PHF3: variants seen among roughly 807,000 people sequenced by gnomAD.
PHF3 encodes the protein PHD finger protein 3.
A neutral mutation model predicts 178.4 loss-of-function variants in PHF3; 41 were observed. The observed-to-expected ratio is 0.23, with a 90% confidence interval of 0.18 to 0.30. The LOEUF (loss-of-function observed/expected upper bound fraction) is 0.30, where lower values mean the gene tolerates loss of function less well. Among genes scored for constraint, PHF3 ranks in the 10% least tolerant of loss-of-function variants. PHF3 has a pLI of 1.00. For missense variants in PHF3, 2,346 were observed against 2,398.1 expected, an observed-to-expected ratio of 0.98 and a Z score of 0.45; for synonymous variants, 842 against 800.5, an observed-to-expected ratio of 1.05 and a Z score of -0.88.
rs547741930 is a variant in PHF3, at chr6:63,713,395, A to G, written c.5807A>G (p.Glu1936Gly). The change falls in exon 16 of 16, where the codon GAA becomes GGA. Residue 1936 changes from glutamate to glycine, a missense_variant. Around this residue, in one of 8 missense-constraint regions of PHF3, gnomAD observed 839 missense variants for 806.9 expected, o/e 1.04. Transcript: ENST00000262043. ...DSHHLKRERH[E>G]KEWEQESERH... The stretch of plus-strand genomic sequence containing the variant: ...CACCATTTGAAAAGAGAGCGACATG[A>G]AAAGGAATGGGAGCAAGAATCTGAA... 6.2e-7 allele frequency: 1 copy of G among 1,613,954 alleles called. No individual in the cohort carries two copies. Among genetic ancestry groups the G allele is most frequent in the South Asian group, 1.1e-5 (1 of 91,084 alleles).
intron 2 of PHF3, chr6:63,678,762 C>T: frequency 2.3e-6 from 1 of 433,800 alleles, no homozygotes; most frequent in South Asian, 1.7e-5. Context: ...TGTCAAATTG[C>T]TCTTCAAAAA....
chr6:63,677,204 A>G (rs928795665), intron 2 of PHF3, among the ~76,000 whole-genome samples: 2 of 152,172 alleles, frequency 1.3e-5, no homozygotes, highest in African/African-American at 2.4e-5. Context: ...GAAGATACCT[A>G]TGGGAATCAT....
rs748116849 is a variant in PHF3 at position 63,684,891 on chromosome 6, C to A, written c.1169C>A (p.Thr390Asn). ...GGTATTGCTGATAAAACTGAGAACA[C>A]CCTTGAAAGAAATAAAATTGAACCG... is the stretch of plus-strand genomic sequence containing the variant. ...TMGIADKTEN[T>N]LERNKIEPLG... The change falls in exon 4 of 16, where the codon ACC becomes AAC. Residue 390 changes from threonine (T) to asparagine (N), a missense_variant. Transcript: ENST00000262043. The A allele has an allele frequency of 1.4e-5, 22 of 1,613,954 alleles. No homozygotes were observed. The highest frequency in any genetic ancestry group is 1.6e-4 in the Middle Eastern group (1 of 6,062).
intron 2 of PHF3, among the ~76,000 whole-genome samples, chr6:63,659,827 A>G (rs544816137): frequency 6.6e-6 from 1 of 152,272 alleles, no homozygotes; most frequent in African/African-American, 2.4e-5. Flanking sequence ...AACCTGTACT[A>G]TTAATCTCAT....
intron 5 of PHF3, among the ~76,000 whole-genome samples, chr6:63,693,045 A>AT (rs977947774): frequency 2.0e-5 from 3 of 152,028 alleles, no homozygotes; most frequent in Admixed American, 1.3e-4. Context: ...GGCATCTAAT[A>AT]TTTTTTGTCT....
chr6:63,662,706 C>T (rs1765520434), intron 2 of PHF3, among the ~76,000 whole-genome samples: 1 of 152,116 alleles, frequency 6.6e-6, no homozygotes. Context: ...TTTATCATGT[C>T]TTTAAGTGAA....
chr6:63,665,395 G>T (rs1765634374), intron 2 of PHF3, among the ~76,000 whole-genome samples: 3 of 150,428 alleles, frequency 2.0e-5, no homozygotes, highest in African/African-American at 7.3e-5. Context: ...CCTTTGCTAT[G>T]AATTAATGGA....
chr6:63,636,233 G>C, intron 1 of PHF3, 83 bp downstream of exon 1: 1 of 316,922 alleles, frequency 3.2e-6, no homozygotes, highest in Non-Finnish European at 5.7e-6. Flanking sequence ...GCGCCTCCGC[G>C]GGCCTCTCCG....
chr6:63,680,048 G>A lies in PHF3; in HGVS notation c.293G>A (p.Gly98Asp), dbSNP rs1266898479. 17 of 1,612,476 alleles carry A rather than the reference G, an allele frequency of 1.1e-5. No individual in the cohort carries two copies. Among genetic ancestry groups the A allele is most frequent in the Admixed American group, 3.3e-5 (2 of 59,940 alleles). ...GATGAAGGAGTTGTTAAAGAAAGTG[G>A]CAATGATACCATTGATGAAGAAGAA... ...IMDEGVVKES[G>D]NDTIDEEELI... The change falls in exon 3 of 16, where the codon GGC becomes GAC. Residue 98 changes from glycine (G) to aspartate (D), a missense_variant. By Grantham distance (94) the Gly-to-Asp change is moderately conservative. Transcript: ENST00000262043.
rs1768344840 is a variant in PHF3 at position 63,720,737 on chromosome 6, G to T, written c.*7029G>T. On this transcript the variant is annotated 3_prime_UTR_variant, in exon 16 of 16. Transcript: ENST00000262043. ...TGGTTTTAAAAATCTCTTGAGTAAC[G>T]ATATTTACCTTTCTACCATATTCAA... The T allele has an allele frequency of 1.9e-6, 3 of 1,548,762 alleles. No homozygotes were observed. The highest frequency in any genetic ancestry group is 2.6e-6 in the Non-Finnish European group (3 of 1,145,870).
chr6:63,645,683 T>A (rs1310479343), intron 1 of PHF3, among the ~76,000 whole-genome samples: 1 of 152,206 alleles, frequency 6.6e-6, no homozygotes, highest in Non-Finnish European at 1.5e-5. Context: ...CTCAAACTGA[T>A]TTAACTTAAT....
chr6:63,698,441 A>T lies in PHF3; in HGVS notation c.2826-8A>T. The stretch of plus-strand genomic sequence containing the variant: ...TTTGAAAAATAATTGAATTGTTCTA[A>T]TTTTAAGACTTACAGACTCAAATTT... On this transcript the variant is annotated splice_polypyrimidine_tract_variant and splice_region_variant and intron_variant, in intron 7 of 15. Transcript: ENST00000262043. The T allele has an allele frequency of 6.3e-7, 1 of 1,589,434 alleles. No individual in the cohort carries two copies. Among genetic ancestry groups the T allele is most frequent in the South Asian group, 1.2e-5 (1 of 86,062 alleles).
chr6:63,665,480 TTTTTTG>T lies in PHF3; in HGVS notation c.245-14514_245-14509del, dbSNP rs1223895330. On this transcript the variant is annotated intron_variant, in intron 2 of 15. Coordinates refer to ENST00000262043, the MANE Select transcript of PHF3 (RefSeq NM_001370348.2). The stretch of plus-strand genomic sequence containing the variant: ...AAATTACTGTTTCGCTTTGTGGTTT[TTTTTTG>T]TTTTTTTTTTTTTTTTTTGAGACAG... Among the ~76,000 whole-genome samples the T allele has an allele frequency of 1.1e-4, 14 of 131,724 alleles. No homozygotes were observed. In the East Asian group the frequency reaches 2.5e-3, roughly 24 times the overall value. 86.4% of individuals were successfully genotyped at this position (131,724 alleles called of 152,430 possible). A position where few individuals can be genotyped will look rare whatever the true frequency, so the allele number is the denominator to read the frequency against.
At chr6:63,641,718 A>G (rs1475024829) in intron 1 of PHF3, among the ~76,000 whole-genome samples, 1 of 151,622 alleles carries the variant, frequency 6.6e-6, no homozygotes, top group Non-Finnish European at 1.5e-5. Context: ...GCTCACTGCA[A>G]CCTCTGCTTC....
intron 10 of PHF3, among the ~76,000 whole-genome samples, chr6:63,702,900 T>C (rs1159248894): frequency 6.6e-6 from 1 of 152,098 alleles, no homozygotes; most frequent in Non-Finnish European, 1.5e-5. Flanking sequence ...TTTGGTGGGA[T>C]AGAGTCTTGC....
rs1202648772 is a variant in PHF3, at chr6:63,725,426, T to C, written c.*11718T>C. Among the ~76,000 whole-genome samples the C allele has an allele frequency of 1.3e-5, 2 of 152,130 alleles. No homozygotes were observed. The highest frequency in any genetic ancestry group is 3.8e-4 in the East Asian group (2 of 5,200). ...TTGATTTTCTGCCCTCTTACATAGG[T>C]CCCACTTAACATTAATTTTGAGTTT... On this transcript the variant is annotated 3_prime_UTR_variant, in exon 16 of 16. Coordinates refer to ENST00000262043, the MANE Select transcript of PHF3 (RefSeq NM_001370348.2).
At position 63,714,333 on chromosome 6, in the gene PHF3, T is replaced by C. The variant is rs1768108119; in HGVS notation, c.*625T>C. 1.3e-5 allele frequency: 2 copies of C among 152,610 alleles called. No individual in the cohort carries two copies. Among genetic ancestry groups the C allele is most frequent in the Admixed American group, 6.6e-5 (1 of 15,260 alleles). 9.5% of individuals were successfully genotyped at this position (152,610 alleles called of 1,614,324 possible). On this transcript the variant is annotated 3_prime_UTR_variant, in exon 16 of 16. Coordinates refer to ENST00000262043, the MANE Select transcript of PHF3 (RefSeq NM_001370348.2). ...TTATTTTCATTTTCATTTTTGGCTC[T>C]TCAGAAACTTGAATACTTAAGCTTG... is the stretch of plus-strand genomic sequence containing the variant.
At chr6:63,681,670 A>T (rs964857937) in intron 3 of PHF3, among the ~76,000 whole-genome samples, 1 of 152,054 alleles carries the variant, frequency 6.6e-6, no homozygotes, top group African/African-American at 2.4e-5. Flanking sequence ...TTTTGTCTTT[A>T]TTAAGATACT....
intron 2 of PHF3, among the ~76,000 whole-genome samples, chr6:63,647,266 T>C (rs1193130084): frequency 1.3e-5 from 2 of 152,080 alleles, no homozygotes; most frequent in Non-Finnish European, 2.9e-5. Context: ...TTTGCTCCCA[T>C]TTCACCTCCT....
Sources: gnomAD v4.1 joint callset for allele counts (sites outside exome capture counted in the v4.1 genomes callset) on GRCh38, gnomAD v4.1.1 for gene constraint, gnomAD v4.1.1 regional missense constraint, MANE v1.5 for transcripts, NCBI Gene and HGNC (gene_info 2026-07-23, HGNC 2026-07-21) for gene names.